Variants in ZFPM2 observed in about 807,000 individuals in gnomAD.
ZFPM2 encodes the protein zinc finger protein ZFPM2.
Under a neutral mutation model 98.6 loss-of-function variants are expected in ZFPM2, and 20 were observed. The observed-to-expected ratio is 0.20, with a 90% CI of 0.14 to 0.29. ZFPM2 has a LOEUF of 0.29. ZFPM2 is among the 10% of genes least tolerant of loss of function. The pLI, the probability that ZFPM2 is intolerant of heterozygous loss-of-function variation, is 1.00. For missense variants in ZFPM2, 1,310 were observed against 1,388.6 expected, an observed-to-expected ratio of 0.94 and a Z score of 0.90; for synonymous variants, 518 against 502.7, an observed-to-expected ratio of 1.03 and a Z score of -0.41.
chr8:105,447,075 A>C (rs543356538), intron 3 of ZFPM2, among the ~76,000 whole-genome samples: 1 of 152,214 alleles, frequency 6.6e-6, no homozygotes, highest in East Asian at 1.9e-4. Flanking sequence ...CAGTTTCCAA[A>C]TATATTGGAA....
chr8:105,390,297 A>C (rs1407396488), intron 1 of ZFPM2, among the ~76,000 whole-genome samples: 2 of 152,122 alleles, frequency 1.3e-5, no homozygotes, highest in Admixed American at 6.6e-5. Flanking sequence ...AATTCACATG[A>C]CTCAGGAAAA....
At chr8:105,648,754 A>G (rs1476006669) in intron 5 of ZFPM2, among the ~76,000 whole-genome samples, 1 of 152,214 alleles carries the variant, frequency 6.6e-6, no homozygotes, top group Non-Finnish European at 1.5e-5. Context: ...TTTTGGTACC[A>G]GTACCATGCT....
At chr8:105,600,776 C>T (rs981038270) in intron 4 of ZFPM2, among the ~76,000 whole-genome samples, 65 of 151,816 alleles carry the variant, frequency 4.3e-4, no homozygotes, top group African/African-American at 1.5e-3. Flanking sequence ...TTAATTCAAG[C>T]AGAGAAACTT....
chr8:105,634,456 T>C lies in ZFPM2; in HGVS notation c.532+99T>C, dbSNP rs539649433. Reference sequence around the variant, plus strand: ...CTGGAATGGAAGTACAAAGTATAAATTGATCCTCTTCCTTTTTTCCCATTT... The same window carrying C: ...CTGGAATGGAAGTACAAAGTATAAACTGATCCTCTTCCTTTTTTCCCATTT... On this transcript the variant is annotated intron_variant, in intron 5 of 7. Coordinates refer to ENST00000407775, the MANE Select transcript of ZFPM2 (RefSeq NM_012082.4). The C allele has an allele frequency of 5.5e-6, 5 of 905,436 alleles. No individual in the cohort carries two copies. In the East Asian group the frequency reaches 8.0e-5, roughly 15 times the overall value. The allele number at this position is 905,436 out of a possible 1,614,324, so 56.1% of individuals were successfully genotyped here.
intron 5 of ZFPM2, among the ~76,000 whole-genome samples, chr8:105,661,543 T>C (rs1276297298): frequency 6.6e-6 from 1 of 152,192 alleles, no homozygotes; most frequent in African/African-American, 2.4e-5. Context: ...TATTTTCAAT[T>C]GTTAGACCGC....
chr8:105,328,458 A>G (rs1320329553), intron 1 of ZFPM2, among the ~76,000 whole-genome samples: 1 of 151,832 alleles, frequency 6.6e-6, no homozygotes, highest in Non-Finnish European at 1.5e-5. Flanking sequence ...GAAATTATAG[A>G]ACGAATATCT....
chr8:105,584,410 G>C (rs1215979160), intron 4 of ZFPM2, among the ~76,000 whole-genome samples: 1 of 151,900 alleles, frequency 6.6e-6, no homozygotes, highest in Non-Finnish European at 1.5e-5. Context: ...TAGTACTTCT[G>C]AATTTGAATG....
chr8:105,418,521 A>AT (rs1811727165), intron 1 of ZFPM2: 1 of 513,862 alleles, frequency 1.9e-6, no homozygotes, highest in Admixed American at 2.0e-5. Flanking sequence ...TACAAATTAC[A>AT]TTTTTTCATT....
intron 4 of ZFPM2, among the ~76,000 whole-genome samples, chr8:105,599,686 G>T (rs1354658988): frequency 6.6e-6 from 1 of 152,028 alleles, no homozygotes; most frequent in Non-Finnish European, 1.5e-5. Flanking sequence ...GGCTATTACC[G>T]GTTAGCTCCT....
At chr8:105,510,876 G>A (rs560498729) in intron 3 of ZFPM2, among the ~76,000 whole-genome samples, 4 of 152,310 alleles carry the variant, frequency 2.6e-5, no homozygotes, top group African/African-American at 7.2e-5. Context: ...CTCCAAAGAG[G>A]AAGATTGAGA....
chr8:105,654,126 A>G (rs944106971), intron 5 of ZFPM2, among the ~76,000 whole-genome samples: 1 of 151,850 alleles, frequency 6.6e-6, no homozygotes, highest in Non-Finnish European at 1.5e-5. Context: ...ATAAGTACTT[A>G]GGGGAAACAC....
chr8:105,462,198 A>G (rs1812716066), intron 3 of ZFPM2, among the ~76,000 whole-genome samples: 1 of 152,120 alleles, frequency 6.6e-6, no homozygotes, highest in South Asian at 2.1e-4. Flanking sequence ...GAAAGCACAT[A>G]GTAATCTTAG....
At chr8:105,720,495 C>G (rs528268034) in intron 5 of ZFPM2, among the ~76,000 whole-genome samples, 2 of 151,944 alleles carry the variant, frequency 1.3e-5, no homozygotes, top group South Asian at 4.1e-4. Context: ...CTAATAATCT[C>G]TAGGTTACCT....
intron 1 of ZFPM2, among the ~76,000 whole-genome samples, chr8:105,412,718 G>A (rs1384682592): frequency 2.6e-5 from 4 of 151,574 alleles, no homozygotes; most frequent in Non-Finnish European, 5.9e-5. Context: ...TATTCTTGCT[G>A]TTAAGCTCAA....
chr8:105,634,519 T>C (rs1816811722), intron 5 of ZFPM2, among the ~76,000 whole-genome samples, 162 bp downstream of exon 5: 4 of 152,146 alleles, frequency 2.6e-5, no homozygotes, highest in Admixed American at 2.6e-4. Flanking sequence ...AAGCCACCTG[T>C]TTTTCTTTTT....
At chr8:105,735,210 G>A (rs926364203) in intron 5 of ZFPM2, among the ~76,000 whole-genome samples, 1 of 149,982 alleles carries the variant, frequency 6.7e-6, no homozygotes, top group Admixed American at 6.7e-5. Flanking sequence ...GTAATCTGTT[G>A]CTGCTGTAAC....
intron 3 of ZFPM2, among the ~76,000 whole-genome samples, chr8:105,540,112 T>C (rs1201005530): frequency 6.6e-6 from 1 of 152,164 alleles, no homozygotes; most frequent in Non-Finnish European, 1.5e-5. Flanking sequence ...TCTGTCTCTC[T>C]CTGTGTTTTC....
intron 3 of ZFPM2, among the ~76,000 whole-genome samples, chr8:105,555,893 T>G (rs1385855928): frequency 6.6e-6 from 1 of 152,014 alleles, no homozygotes; most frequent in Non-Finnish European, 1.5e-5. Context: ...ATGGGGGAGC[T>G]AAACTGGAGA....
In ZFPM2 at chr8:105,803,634, A is replaced by T; in HGVS notation, c.*96A>T. ...TAAGCTGTTTGAATTACATCTGGGCAATCAGGAGATAATTCATTATGGCTG... is the reference window on the plus strand; with the variant it reads ...TAAGCTGTTTGAATTACATCTGGGCTATCAGGAGATAATTCATTATGGCTG... On this transcript the variant is annotated 3_prime_UTR_variant, in exon 8 of 8. Coordinates refer to ENST00000407775, the MANE Select transcript of ZFPM2 (RefSeq NM_012082.4). 1 of 1,219,436 alleles carries T rather than the reference A, an allele frequency of 8.2e-7. No homozygotes were observed. The highest frequency in any genetic ancestry group is 2.1e-5 in the Admixed American group (1 of 47,994). 75.5% of individuals were successfully genotyped at this position (1,219,436 alleles called of 1,614,324 possible).
Sources: gnomAD v4.1 joint callset for allele counts (sites outside exome capture counted in the v4.1 genomes callset) on GRCh38, gnomAD v4.1.1 for gene constraint, MANE v1.5 for transcripts, NCBI Gene and HGNC (gene_info 2026-07-23, HGNC 2026-07-21) for gene names.